Variants in NBPF26 observed in about 807,000 individuals in gnomAD.
The protein encoded by NBPF26 is NBPF family member NBPF26.
NBPF26 carries 79 observed loss-of-function variants against 119.6 expected under a neutral mutation model. The ratio of observed to expected loss-of-function variants is 0.66; its 90% confidence interval spans 0.55 to 0.80. The LOEUF (loss-of-function observed/expected upper bound fraction) is 0.80, where lower values mean the gene tolerates loss of function less well. Ranked by LOEUF, NBPF26 falls within the 30% of genes least tolerant of loss-of-function variation. The pLI, the probability that NBPF26 is intolerant of heterozygous loss-of-function variation, is 0.00. For missense variants in NBPF26, 800 were observed against 1,198.2 expected, an observed-to-expected ratio of 0.67 and a Z score of 4.91; for synonymous variants, 299 against 457.7, an observed-to-expected ratio of 0.65 and a Z score of 4.43.
downstream of NBPF26, chr1:120,840,645 C>G (rs1261596383): frequency 2.1e-6 from 3 of 1,447,828 alleles, 1 homozygote; most frequent in African/African-American, 7.3e-5. Flanking sequence ...GACCTATAGG[C>G]ACGTGAAGAT....
rs1182919948 is a variant in NBPF26, at chr1:120,838,536, G to T, written c.3822-209G>T. Among the ~76,000 whole-genome samples, 2 of 83,392 alleles carry T rather than the reference G, an allele frequency of 2.4e-5. 1 individual carries two copies. The highest frequency in any genetic ancestry group is 1.1e-4 in the African/African-American group (2 of 18,112). The allele number at this position is 83,392 out of a possible 152,430, so 54.7% of individuals were successfully genotyped here. A position where few individuals can be genotyped will look rare whatever the true frequency, so the allele number is the denominator to read the frequency against. ...TGTGTGTGTGTGTGTGTGTGTGTGTGTGTGTGTGTGTCTATCTGTCTTTCT... is the reference window on the plus strand; with the variant it reads ...TGTGTGTGTGTGTGTGTGTGTGTGTTTGTGTGTGTGTCTATCTGTCTTTCT... On this transcript the variant is annotated intron_variant, in intron 27 of 29. Coordinates refer to ENST00000620612, the Ensembl canonical transcript of NBPF26.
At chr1:120,820,411 G>T (rs1478800262) in intron 15 of NBPF26, among the ~76,000 whole-genome samples, 1 of 38,312 alleles carries the variant, frequency 2.6e-5, no homozygotes, top group Non-Finnish European at 4.9e-5. Flanking sequence ...TAACCTGCAC[G>T]TTGTGCACAT....
intron 1 of NBPF26, among the ~76,000 whole-genome samples, chr1:120,728,812 CTTT>C (rs1348211431): frequency 9.8e-6 from 1 of 101,952 alleles, no homozygotes; most frequent in Non-Finnish European, 1.8e-5. Context: ...AGTATATTTG[CTTT>C]TTTTTTTTTT....
exon 12 of NBPF26, chr1:120,815,010 C>T: frequency 1.7e-6 from 2 of 1,170,538 alleles, no homozygotes; most frequent in South Asian, 1.3e-5. Context: ...GGGGTGTAGA[C>T]TGGCACAGCA....
intron 22 of NBPF26, among the ~76,000 whole-genome samples, chr1:120,832,386 C>G (rs1450475915): frequency 1.7e-4 from 18 of 103,438 alleles, no homozygotes; most frequent in African/African-American, 1.1e-3. Flanking sequence ...CCTGTGGCGC[C>G]CTGATCCTGT....
In NBPF26 at chr1:120,729,761, T is replaced by C. The variant is rs1222948077; in HGVS notation, c.73+5511T>C. On this transcript the variant is annotated intron_variant, in intron 1 of 29. Transcript: ENST00000620612. ...CAGGTGTTCTCATGGAGATTCTGAT[T>C]CAGTGCATCTGGAGTGTCATCTGGG... Among the ~76,000 whole-genome samples, 3 of 117,280 alleles carry C rather than the reference T, an allele frequency of 2.6e-5. No homozygotes were observed. In the East Asian group the frequency reaches 6.3e-4, roughly 25 times the overall value. The allele number at this position is 117,280 out of a possible 152,430, so 76.9% of individuals were successfully genotyped here.
Position 120,802,434 on chromosome 1 carries a change from C to G in NBPF26, c.752-3122C>G, listed in dbSNP as rs1651593149. ...GCAGAGGAGAAACTGTTGAGTGAAC[C>G]TAGAAGTAAAGGAGATCTGGCTTGC... On this transcript the variant is annotated intron_variant, in intron 4 of 29. Transcript: ENST00000620612. Among the ~76,000 whole-genome samples the G allele has an allele frequency of 5.5e-5, 7 of 126,260 alleles. 2 individuals are homozygous for G. Among genetic ancestry groups the G allele is most frequent in the Admixed American group, 2.3e-4 (3 of 13,178 alleles). 82.8% of individuals were successfully genotyped at this position (126,260 alleles called of 152,430 possible). A position where few individuals can be genotyped will look rare whatever the true frequency, so the allele number is the denominator to read the frequency against.
rs1651879549 is a variant in NBPF26 at position 120,811,946 on chromosome 1, C to G, written c.1625C>G (p.Ser542Cys). 1.6e-6 allele frequency: 2 copies of G among 1,214,824 alleles called. 1 individual carries two copies. Among genetic ancestry groups the G allele is most frequent in the East Asian group, 4.7e-5 (2 of 42,356 alleles). The allele number at this position is 1,214,824 out of a possible 1,614,324, so 75.3% of individuals were successfully genotyped here. A position where few individuals can be genotyped will look rare whatever the true frequency, so the allele number is the denominator to read the frequency against. ...ATGGTGGTATCAGCCGGCCCTTTGT[C>G]CGGCGAGAAGGCAGCGATAAACATT... The change falls in exon 10 of 30, where the codon TCC (serine) becomes TGC (cysteine). Residue 542 changes from serine to cysteine, a missense_variant. This residue lies in a region of NBPF26 where 72 missense variants were observed against 81.1 expected (regional missense o/e 0.89). Transcript: ENST00000620612.
At chr1:120,823,912 G>C in intron 17 of NBPF26, 62 bp from the exon 18 acceptor site, 1 of 491,792 alleles carries the variant, frequency 2.0e-6, no homozygotes, top group Non-Finnish European at 3.6e-6. Context: ...ATGAAATCTA[G>C]CTGGGGCTGT....
rs1366276230 is a variant in NBPF26, at chr1:120,824,085, C to T, written c.2751C>T (p.Pro917=). The change falls in exon 18 of 30, where the codon CCC becomes CCT. Residue 917 remains proline (P), a synonymous_variant. Coordinates refer to ENST00000620612, the Ensembl canonical transcript of NBPF26. ...TTGAACTGACTGACTCATGCCAGCC[C>T]TACAGAAGTGCCTTTTACGTATTGG... 37 of 474,438 alleles carry T rather than the reference C, an allele frequency of 7.8e-5. 2 individuals carry two copies. The highest frequency in any genetic ancestry group is 1.3e-4 in the Non-Finnish European group (35 of 279,748). The allele number at this position is 474,438 out of a possible 1,614,324, so 29.4% of individuals were successfully genotyped here. A position where few individuals can be genotyped will look rare whatever the true frequency, so the allele number is the denominator to read the frequency against.
At chr1:120,764,793 G>T (rs1651171807) in intron 2 of NBPF26, among the ~76,000 whole-genome samples, 1 of 102,762 alleles carries the variant, frequency 9.7e-6, no homozygotes, top group African/African-American at 5.5e-5. Flanking sequence ...AATAAAATTT[G>T]GTAATATGAA....
intron 29 of NBPF26, among the ~76,000 whole-genome samples, 165 bp from the exon 36 acceptor site, chr1:120,840,185 C>T (rs1458927962): frequency 1.1e-5 from 1 of 91,310 alleles, no homozygotes; most frequent in Non-Finnish European, 2.0e-5. Context: ...TCTACCTGGC[C>T]CTGTTCTATC....
chr1:120,809,963 T>C, intron 8 of NBPF26, 80 bp downstream of exon 8: 11 of 1,495,470 alleles, frequency 7.4e-6, no homozygotes, highest in African/African-American at 1.8e-5. Context: ...CTGGCATCTA[T>C]GGTGGGCCAA....
At chr1:120,833,165 T>C in intron 23 of NBPF26, among the ~76,000 whole-genome samples, 182 bp downstream of exon 27, 2 of 118,566 alleles carry the variant, frequency 1.7e-5, no homozygotes, top group African/African-American at 9.2e-5. Context: ...CCTTATCATT[T>C]ACTAACGTAC....
At position 120,770,330 on chromosome 1, in the gene NBPF26, C is replaced by T. The variant is rs1213396825; in HGVS notation, c.155+6621C>T. On this transcript the variant is annotated intron_variant, in intron 2 of 29. Transcript: ENST00000620612. ...GACTATAAGCGCCCGCCACCACGCC[C>T]GGCTAATTTTTTGTATTTTTAGTAG... Among the ~76,000 whole-genome samples, 17 of 108,166 alleles carry T rather than the reference C, an allele frequency of 1.6e-4. 2 individuals are homozygous for T. The highest frequency in any genetic ancestry group is 4.4e-4 in the East Asian group (2 of 4,548). 71.0% of individuals were successfully genotyped at this position (108,166 alleles called of 152,430 possible). A position where few individuals can be genotyped will look rare whatever the true frequency, so the allele number is the denominator to read the frequency against.
intron 2 of NBPF26, among the ~76,000 whole-genome samples, chr1:120,778,410 A>G (rs1651323220): frequency 9.0e-6 from 1 of 111,024 alleles, no homozygotes; most frequent in Non-Finnish European, 1.7e-5. Flanking sequence ...AGGAGCTTTA[A>G]TGAGGAGCAG....
At chr1:120,748,168 GC>G (rs1650994776) in intron 1 of NBPF26, among the ~76,000 whole-genome samples, 5 of 26,706 alleles carry the variant, frequency 1.9e-4, no homozygotes, top group South Asian at 9.5e-4. Flanking sequence ...TAGCAAGTAA[GC>G]TAGAAATGAC....
chr1:120,781,652 C>T lies in NBPF26; in HGVS notation c.156-3322C>T, dbSNP rs1181680700. 7.7e-5 allele frequency among the ~76,000 whole-genome samples: 5 copies of T among 65,250 alleles called. 1 individual carries two copies. The highest frequency in any genetic ancestry group is 1.5e-4 in the African/African-American group (1 of 6,482). 42.8% of individuals were successfully genotyped at this position (65,250 alleles called of 152,430 possible). A position where few individuals can be genotyped will look rare whatever the true frequency, so the allele number is the denominator to read the frequency against. ...GATCTTGGCTCACTGCAACCTCCAA[C>T]TTCTGGGTTCATGCCATTCTCCTGC... On this transcript the variant is annotated intron_variant, in intron 2 of 29. Coordinates refer to ENST00000620612, the Ensembl canonical transcript of NBPF26.
rs1400936784 is a variant in NBPF26 at position 120,764,057 on chromosome 1, G to A, written c.155+348G>A. Among the ~76,000 whole-genome samples, 457 of 111,998 alleles carry A rather than the reference G, an allele frequency of 4.1e-3. 89 individuals carry two copies. The highest frequency in any genetic ancestry group is 5.0e-3 in the Non-Finnish European group (294 of 58,936). 73.5% of individuals were successfully genotyped at this position (111,998 alleles called of 152,430 possible). A position where few individuals can be genotyped will look rare whatever the true frequency, so the allele number is the denominator to read the frequency against. On this transcript the variant is annotated intron_variant, in intron 2 of 29. Transcript: ENST00000620612. ...AGGTCAGGAGTTCAAGATCAGCCTG[G>A]CCAACATAGTGAAACCCTATCTCTA...
Sources: gnomAD v4.1 joint callset for allele counts (sites outside exome capture counted in the v4.1 genomes callset) on GRCh38, gnomAD v4.1.1 for gene constraint, gnomAD v4.1.1 regional missense constraint, MANE v1.5 for transcripts, NCBI Gene and HGNC (gene_info 2026-07-23, HGNC 2026-07-21) for gene names.